PREX1: variants seen among roughly 807,000 people sequenced by gnomAD.
PREX1 encodes phosphatidylinositol 3,4,5-trisphosphate-dependent Rac exchanger 1 protein.
Under a neutral mutation model 198.3 loss-of-function variants are expected in PREX1, and 41 were observed. The observed-to-expected ratio is 0.21, with a 90% CI of 0.16 to 0.27. The LOEUF is 0.27. PREX1 is among the 10% of genes least tolerant of loss of function. The pLI, the probability that PREX1 is intolerant of heterozygous loss-of-function variation, is 1.00. For synonymous variants in PREX1, 843 were observed against 887.2 expected (o/e 0.95, Z 0.89); for missense variants, 1,620 against 2,200.7 (o/e 0.74, Z 5.28).
At position 48,636,687 on chromosome 20, in the gene PREX1, G is replaced by C. The variant is rs1355542340; in HGVS notation, c.3947-4C>G. The C allele has an allele frequency of 3.8e-6, 6 of 1,595,948 alleles. No homozygotes were observed. The highest frequency in any genetic ancestry group is 2.2e-5 in the South Asian group (2 of 89,106). On this transcript the variant is annotated splice_region_variant and splice_polypyrimidine_tract_variant and intron_variant, in intron 31 of 39. Transcript: ENST00000371941. ...CTGCGCAGCTGCAGCTCCGTGTCTGGGGGCAGAGGGCAGGAGGCCTTGCTG... is the reference window on the plus strand; with the variant it reads ...CTGCGCAGCTGCAGCTCCGTGTCTGCGGGCAGAGGGCAGGAGGCCTTGCTG...
intron 39 of PREX1, among the ~76,000 whole-genome samples, chr20:48,627,175 C>T (rs1263592417): frequency 6.7e-6 from 1 of 150,138 alleles, no homozygotes; most frequent in Non-Finnish European, 1.5e-5. Flanking sequence ...TAAAGCGAGC[C>T]GCTCAGGGGT....
At chr20:48,846,843 C>T in the PREX1 span, among the ~76,000 whole-genome samples, 1 of 152,144 alleles carries the variant, frequency 6.6e-6, no homozygotes, top group African/African-American at 2.4e-5. Context: ...CGTCTACAGC[C>T]GGCTGCAGCC....
At chr20:48,716,751 T>C (rs752592575) in intron 5 of PREX1, among the ~76,000 whole-genome samples, 97 of 152,184 alleles carry the variant, frequency 6.4e-4, no homozygotes, top group Admixed American at 2.2e-3. Flanking sequence ...GCTGAGCCGG[T>C]GGGCCTCAGG....
chr20:48,850,287 C>T, the PREX1 span, among the ~76,000 whole-genome samples: 1 of 152,040 alleles, frequency 6.6e-6, no homozygotes, highest in Non-Finnish European at 1.5e-5. Context: ...AGCGGAGGGC[C>T]GAGGGGAGGA....
intron 17 of PREX1, 22 bp from the exon 18 acceptor site, chr20:48,657,210 C>A (rs1311089036): frequency 6.2e-6 from 10 of 1,611,338 alleles, no homozygotes; most frequent in Non-Finnish European, 8.5e-6. Context: ...CGGCAGAGGA[C>A]AGACGTGCAC....
Position 48,672,686 on chromosome 20 carries a change from G to T in PREX1, c.1665+3507C>A, listed in dbSNP as rs1440343272. ...TCTGCCTAAGAGCCTCTGAGCTGCT[G>T]CTCCCCAGATGTGGCCTGGGCTCAC... On this transcript the variant is annotated intron_variant, in intron 14 of 39. Coordinates refer to ENST00000371941, the MANE Select transcript of PREX1 (RefSeq NM_020820.4). 3.3e-5 allele frequency among the ~76,000 whole-genome samples: 5 copies of T among 152,242 alleles called. No individual in the cohort carries two copies. The East Asian group carries it at 9.6e-4, about 29-fold the overall frequency.
chr20:48,627,460 G>C (rs2089281908), intron 39 of PREX1, 88 bp downstream of exon 39: 1 of 1,426,382 alleles, frequency 7.0e-7, no homozygotes, highest in African/African-American at 1.4e-5. Context: ...CTGAGCATTA[G>C]GGGTTAGGCC....
intron 3 of PREX1, among the ~76,000 whole-genome samples, chr20:48,738,996 C>T (rs570642663): frequency 3.0e-4 from 45 of 152,264 alleles, no homozygotes; most frequent in African/African-American, 1.0e-3. Flanking sequence ...GGGGTTAAAA[C>T]AGAAATCAGA....
At chr20:48,647,473 A>G (rs539849939) in intron 25 of PREX1, among the ~76,000 whole-genome samples, 2 of 149,204 alleles carry the variant, frequency 1.3e-5, no homozygotes, top group East Asian at 3.9e-4. Flanking sequence ...GTGAGCAGAG[A>G]TCACACCACT....
rs572757349 is a variant in PREX1, at chr20:48,726,445, T to C, written c.520-54A>G. ...ACCCACCAAGGATAGCACAGGGACATAGCCACCCTCAACCATGAGAAACGC... is the reference window on the plus strand; with the variant it reads ...ACCCACCAAGGATAGCACAGGGACACAGCCACCCTCAACCATGAGAAACGC... On this transcript the variant is annotated intron_variant, in intron 4 of 39. Transcript: ENST00000371941. The C allele has an allele frequency of 5.7e-5, 75 of 1,308,096 alleles. 1 individual carries two copies. The highest frequency in any genetic ancestry group is 3.9e-4 in the South Asian group (32 of 81,812). The allele number at this position is 1,308,096 out of a possible 1,614,324, so 81.0% of individuals were successfully genotyped here. A position where few individuals can be genotyped will look rare whatever the true frequency, so the allele number is the denominator to read the frequency against.
chr20:48,785,788 A>G (rs1175526878), intron 1 of PREX1, among the ~76,000 whole-genome samples: 1 of 151,610 alleles, frequency 6.6e-6, no homozygotes, highest in Non-Finnish European at 1.5e-5. Flanking sequence ...CATCAGCAGG[A>G]AAAAAAAAGT....
Position 48,778,087 on chromosome 20 carries a change from C to T in PREX1, c.220-30207G>A, listed in dbSNP as rs898923320. On this transcript the variant is annotated intron_variant, in intron 1 of 39. Transcript: ENST00000371941. The stretch of plus-strand genomic sequence containing the variant: ...CTGTGACTGTGTTCCAATCAAATGT[C>T]GCCAGGCAAAAGTACAGCCGGATTT... Among the ~76,000 whole-genome samples the T allele has an allele frequency of 5.3e-5, 8 of 152,062 alleles. No individual in the cohort carries two copies. The East Asian group carries it at 5.8e-4, about 11-fold the overall frequency.
chr20:48,641,840 G>GAGAGGAAGGAAGGA (rs1555830142), intron 29 of PREX1, among the ~76,000 whole-genome samples: 6 of 81,608 alleles, frequency 7.4e-5, no homozygotes, highest in African/African-American at 2.6e-4. Context: ...GAGAGAGAGA[G>GAGAGGAAGGAAGGA]AGGAAGGAAG....
At chr20:48,742,623 C>T (rs1163437416) in intron 3 of PREX1, among the ~76,000 whole-genome samples, 2 of 152,178 alleles carry the variant, frequency 1.3e-5, no homozygotes, top group Non-Finnish European at 1.5e-5. Context: ...TAAGTGCAGC[C>T]TTCACCAGGT....
At chr20:48,694,007 G>T (rs1041819179) in intron 7 of PREX1, among the ~76,000 whole-genome samples, 11 of 150,518 alleles carry the variant, frequency 7.3e-5, no homozygotes, top group African/African-American at 2.7e-4. Context: ...CACCTCCCAG[G>T]TTCAAGCGAT....
chr20:48,776,557 G>C (rs964694033), intron 1 of PREX1, among the ~76,000 whole-genome samples: 3 of 152,218 alleles, frequency 2.0e-5, no homozygotes, highest in African/African-American at 7.2e-5. Context: ...CCTTTCTAAA[G>C]CACATGACTC....
chr20:48,795,492 G>A (rs2090357941), intron 1 of PREX1, among the ~76,000 whole-genome samples: 1 of 149,974 alleles, frequency 6.7e-6, no homozygotes, highest in Non-Finnish European at 1.5e-5. Flanking sequence ...GGGTGCTTTT[G>A]GCTGGTGGGT....
intron 3 of PREX1, among the ~76,000 whole-genome samples, chr20:48,744,031 GAT>G (rs1398836581): frequency 3.4e-5 from 5 of 149,140 alleles, no homozygotes; most frequent in Non-Finnish European, 1.5e-5. Flanking sequence ...TGATGATGAT[GAT>G]GAGTTAACAG....
intron 4 of PREX1, among the ~76,000 whole-genome samples, chr20:48,728,908 G>A (rs2090021246): frequency 6.6e-6 from 1 of 152,142 alleles, no homozygotes; most frequent in African/African-American, 2.4e-5. Context: ...GGCACTATGG[G>A]AAGAACTTCT....
Sources: allele counts gnomAD v4.1 joint callset (sites outside exome capture counted in the v4.1 genomes callset), GRCh38; gene constraint gnomAD v4.1.1; transcripts MANE v1.5; gene names NCBI Gene and HGNC (gene_info 2026-07-23, HGNC 2026-07-21).